Variants in ACSM2B observed in about 807,000 individuals in gnomAD.
ACSM2B encodes the protein acyl-CoA synthetase medium chain family member 2B.
ACSM2B carries 58 observed loss-of-function variants against 78.6 expected under a neutral mutation model. The observed-to-expected ratio is 0.74, with a 90% confidence interval of 0.60 to 0.92. ACSM2B has a LOEUF of 0.92. Among genes scored for constraint, ACSM2B ranks in the 40% least tolerant of loss-of-function variants. The pLI is 0.00. For missense variants in ACSM2B, 688 were observed against 711.2 expected, an observed-to-expected ratio of 0.97 and a Z score of 0.37; for synonymous variants, 257 against 256.8, an observed-to-expected ratio of 1.00 and a Z score of -0.01.
intron 6 of ACSM2B, among the ~76,000 whole-genome samples, chr16:20,550,943 G>T (rs1281591990): frequency 6.6e-6 from 1 of 152,102 alleles, no homozygotes; most frequent in Non-Finnish European, 1.5e-5. Flanking sequence ...ATAACCCAAA[G>T]TTCATTAACA....
intron 3 of ACSM2B, 89 bp from the exon 4 acceptor site, chr16:20,555,565 T>G: frequency 6.3e-7 from 1 of 1,579,368 alleles, no homozygotes; most frequent in Non-Finnish European, 8.6e-7. Flanking sequence ...AGGGAGCAAG[T>G]GGGGAAGGAG....
intron 6 of ACSM2B, among the ~76,000 whole-genome samples, chr16:20,550,102 A>T (rs2015262714): frequency 6.6e-6 from 1 of 152,126 alleles, no homozygotes; most frequent in African/African-American, 2.4e-5. Context: ...ACAGTCTCTC[A>T]GGTTAAATTT....
At chr16:20,563,999 C>A (rs2015743183) in intron 2 of ACSM2B, among the ~76,000 whole-genome samples, 1 of 149,952 alleles carries the variant, frequency 6.7e-6, no homozygotes, top group South Asian at 2.1e-4. Flanking sequence ...CATATTGAAG[C>A]CCTTTTGATA....
intron 1 of ACSM2B, among the ~76,000 whole-genome samples, chr16:20,575,132 C>T (rs2016208828): frequency 6.6e-6 from 1 of 151,676 alleles, no homozygotes; most frequent in Admixed American, 6.6e-5. Flanking sequence ...GGGGTCTAAT[C>T]ATATTAAGGC....
At chr16:20,568,438 T>C (rs907940870) in intron 1 of ACSM2B, among the ~76,000 whole-genome samples, 1 of 148,022 alleles carries the variant, frequency 6.8e-6, no homozygotes, top group African/African-American at 2.5e-5. Context: ...ATAAATATTT[T>C]ATAAATGAAT....
chr16:20,554,635 G>A (rs879862943), intron 4 of ACSM2B, among the ~76,000 whole-genome samples: 2 of 152,136 alleles, frequency 1.3e-5, no homozygotes, highest in African/African-American at 2.4e-5. Flanking sequence ...GTCTTTCCAT[G>A]CTATCAACAC....
rs16970280 is a variant in ACSM2B at position 20,540,753 on chromosome 16, G to A, written c.1530C>T (p.Ile510=). Residue 510 remains isoleucine, a synonymous_variant, in exon 13 of 14, where the codon ATC becomes ATT. Coordinates refer to ENST00000329697, the MANE Select transcript of ACSM2B (RefSeq NM_001105069.2). ...CATGGGATAGGAACTGCGAGGCCAG[G>A]ATCACAAATGCCTTCACCACCTGCA... The part of the protein sequence containing the change: ...VRGEVVKAFV[I]LASQFLSHDP... 2 of 1,613,666 alleles carry A rather than the reference G, an allele frequency of 1.2e-6. No homozygotes were observed. The highest frequency in any genetic ancestry group is 1.7e-6 in the Non-Finnish European group (2 of 1,179,890).
At chr16:20,572,686 G>T (rs201967656) in intron 1 of ACSM2B, among the ~76,000 whole-genome samples, 267 of 138,716 alleles carry the variant, frequency 1.9e-3, no homozygotes, top group East Asian at 7.9e-3. Context: ...ACTTTTAGAT[G>T]TCTCTTCTAT....
chr16:20,561,296 C>T (rs1596727832), intron 2 of ACSM2B, among the ~76,000 whole-genome samples: 1 of 151,430 alleles, frequency 6.6e-6, no homozygotes, highest in Non-Finnish European at 1.5e-5. Flanking sequence ...TTAATTGGCT[C>T]ACAGTTATGC....
chr16:20,552,359 A>T (rs1682793539), intron 5 of ACSM2B, 62 bp from the exon 6 acceptor site: 23 of 1,557,458 alleles, frequency 1.5e-5, no homozygotes, highest in Non-Finnish European at 1.8e-5. Flanking sequence ...TGCGTGGGAC[A>T]CTAAGGTGTA....
At chr16:20,559,155 T>C in intron 3 of ACSM2B, 82 bp downstream of exon 3, 1 of 1,491,762 alleles carries the variant, frequency 6.7e-7, no homozygotes, top group Non-Finnish European at 9.0e-7. Flanking sequence ...GAGACTTCTT[T>C]TGAGAGAGGT....
chr16:20,566,982 GTTATATA>G (rs200848460), intron 1 of ACSM2B, among the ~76,000 whole-genome samples: 1 of 117,650 alleles, frequency 8.5e-6, no homozygotes, highest in East Asian at 2.3e-4. Context: ...ATTATATACT[GTTATATA>G]TTATATATAT....
intron 1 of ACSM2B, among the ~76,000 whole-genome samples, chr16:20,565,950 G>C (rs2015812766): frequency 6.6e-6 from 1 of 151,238 alleles, no homozygotes. Context: ...ACTTCACTTT[G>C]AGCGATGGTC....
chr16:20,563,931 G>A (rs1486666187), intron 2 of ACSM2B, among the ~76,000 whole-genome samples: 5 of 151,358 alleles, frequency 3.3e-5, no homozygotes, highest in Admixed American at 3.3e-4. Flanking sequence ...AATTCTAGAC[G>A]CTCAGGGCTG....
chr16:20,563,935 A>C (rs2015741733), intron 2 of ACSM2B, among the ~76,000 whole-genome samples: 1 of 151,362 alleles, frequency 6.6e-6, no homozygotes, highest in East Asian at 1.9e-4. Context: ...CTAGACGCTC[A>C]GGGCTGGGAA....
At chr16:20,545,388 A>T in intron 9 of ACSM2B, 130 bp from the exon 10 acceptor site, 1 of 1,032,480 alleles carries the variant, frequency 9.7e-7, no homozygotes, top group Non-Finnish European at 1.3e-6. Context: ...GACAACCAAA[A>T]ACCAAGGGAA....
In ACSM2B at chr16:20,542,715, A is replaced by G. The variant is rs570101698; in HGVS notation, c.1509+199T>C. The G allele has an allele frequency of 7.0e-5, 47 of 667,954 alleles. 1 individual carries two copies. In the African/African-American group the frequency reaches 8.2e-4, roughly 12 times the overall value. The allele number at this position is 667,954 out of a possible 1,614,324, so 41.4% of individuals were successfully genotyped here. A position where few individuals can be genotyped will look rare whatever the true frequency, so the allele number is the denominator to read the frequency against. ...AATATTAGCACATTTAACCCTCATA[A>G]CAATCCCTCATCTTACAGATGAAGA... On this transcript the variant is annotated intron_variant, in intron 12 of 13. Transcript: ENST00000329697.
chr16:20,540,301 G>C (rs1221264918), intron 13 of ACSM2B, among the ~76,000 whole-genome samples: 1 of 146,364 alleles, frequency 6.8e-6, no homozygotes, highest in African/African-American at 2.5e-5. Flanking sequence ...GGAGTGCAGT[G>C]GCATGATCTC....
intron 6 of ACSM2B, among the ~76,000 whole-genome samples, chr16:20,550,336 G>C (rs909543057): frequency 5.3e-5 from 8 of 152,070 alleles, no homozygotes; most frequent in African/African-American, 1.9e-4. Context: ...CTATGAAAAT[G>C]ATCCCATATT....
Sources: gnomAD v4.1 joint callset for allele counts (sites outside exome capture counted in the v4.1 genomes callset) on GRCh38, gnomAD v4.1.1 for gene constraint, MANE v1.5 for transcripts, NCBI Gene and HGNC (gene_info 2026-07-23, HGNC 2026-07-21) for gene names.